Variants in HSPA12A observed in about 807,000 individuals in gnomAD.
HSPA12A encodes the protein heat shock protein family A (Hsp70) member 12A, also known as heat shock 70 kDa protein 12A.
A neutral mutation model predicts 69.2 loss-of-function variants in HSPA12A; 28 were observed. The observed-to-expected ratio is 0.40, with a 90% CI of 0.30 to 0.55. HSPA12A has a LOEUF of 0.55. HSPA12A is among the 20% of genes least tolerant of loss of function. The pLI, the probability that HSPA12A is intolerant of heterozygous loss-of-function variation, is 0.38. For missense variants in HSPA12A, 686 were observed against 900.7 expected, an observed-to-expected ratio of 0.76 and a Z score of 3.05; for synonymous variants, 345 against 370.5, an observed-to-expected ratio of 0.93 and a Z score of 0.79.
chr10:116,773,984 G>A (rs147915972), intron 2 of HSPA12A, among the ~76,000 whole-genome samples: 1 of 152,092 alleles, frequency 6.6e-6, no homozygotes, highest in Non-Finnish European at 1.5e-5. Flanking sequence ...ACTATGACAT[G>A]GGGTGGGGGA....
intron 2 of HSPA12A, among the ~76,000 whole-genome samples, chr10:116,815,563 A>G (rs1455232979): frequency 6.6e-6 from 1 of 152,216 alleles, no homozygotes; most frequent in East Asian, 1.9e-4. Flanking sequence ...CAGAAGAGTG[A>G]GACCCTGTCT....
intron 2 of HSPA12A, among the ~76,000 whole-genome samples, chr10:116,811,256 G>A (rs867013098): frequency 2.6e-5 from 4 of 152,160 alleles, no homozygotes; most frequent in Admixed American, 1.3e-4. Context: ...GCAAGGAGAA[G>A]AGTGGCCAAT....
chr10:116,684,028 T>A, intron 6 of HSPA12A, 66 bp from the exon 7 acceptor site: 1 of 1,376,080 alleles, frequency 7.3e-7, no homozygotes, highest in Non-Finnish European at 9.7e-7. Context: ...AGGACACCCG[T>A]GCCTGGACTG....
At chr10:116,763,377 A>G (rs1554889461) in intron 2 of HSPA12A, among the ~76,000 whole-genome samples, 1 of 152,250 alleles carries the variant, frequency 6.6e-6, no homozygotes, top group African/African-American at 2.4e-5. Context: ...TCAAGCAATA[A>G]TAACTGACAA....
intron 2 of HSPA12A, among the ~76,000 whole-genome samples, chr10:116,770,879 C>T (rs1554890402): frequency 9.5e-6 from 1 of 105,440 alleles, no homozygotes; most frequent in Non-Finnish European, 1.9e-5. Flanking sequence ...CTTCGGGTCA[C>T]TTAACAAGCC....
chr10:116,743,965 T>C (rs1268730642), upstream of HSPA12A, among the ~76,000 whole-genome samples: 1 of 152,216 alleles, frequency 6.6e-6, no homozygotes, highest in Non-Finnish European at 1.5e-5. Flanking sequence ...AGACTATGCA[T>C]GTAACATGCT....
At chr10:116,700,640 A>G (rs1589641365) in intron 4 of HSPA12A, among the ~76,000 whole-genome samples, 1 of 152,202 alleles carries the variant, frequency 6.6e-6, no homozygotes, top group East Asian at 1.9e-4. Context: ...GGAGGGCCCC[A>G]GCACCCCACT....
intron 2 of HSPA12A, among the ~76,000 whole-genome samples, chr10:116,794,388 G>C (rs1220850847): frequency 6.6e-6 from 1 of 152,084 alleles, no homozygotes; most frequent in African/African-American, 2.4e-5. Context: ...TACAAGGCAA[G>C]CAAGCAGAAT....
At position 116,674,864 on chromosome 10, in the gene HSPA12A, C is replaced by T. The variant is rs868970051; in HGVS notation, c.1945G>A (p.Gly649Arg). 3.1e-6 allele frequency: 5 copies of T among 1,613,854 alleles called. No homozygotes were observed. In the South Asian group the frequency reaches 4.4e-5, roughly 14 times the overall value. ...GCTGTGGCTTTGATCTCGGTGTCCC[C>T]GAACTGCATAAGGGTCTGGATCTCC... ...RREIQTLMQF[G>R]DTEIKATAID... Residue 649 changes from glycine to arginine, a missense_variant, in exon 12 of 12, where the codon GGG (glycine) becomes AGG (arginine). Coordinates refer to ENST00000369209, the MANE Select transcript of HSPA12A (RefSeq NM_025015.3).
Position 116,718,584 on chromosome 10 carries a change from A to C in HSPA12A, c.41-11299T>G, listed in dbSNP as rs559671690. 2.0e-5 allele frequency among the ~76,000 whole-genome samples: 3 copies of C among 152,126 alleles called. No individual in the cohort carries two copies. In the South Asian group the frequency reaches 6.2e-4, roughly 32 times the overall value. On this transcript the variant is annotated intron_variant, in intron 1 of 11. Coordinates refer to ENST00000369209, the MANE Select transcript of HSPA12A (RefSeq NM_025015.3). ...AACAGTTGTACGGCTTGTGCACTGC[A>C]CAAAGGCACCAACCTTGAGGGACAC... is the stretch of plus-strand genomic sequence containing the variant.
intron 2 of HSPA12A, among the ~76,000 whole-genome samples, chr10:116,754,010 G>A (rs1281202380): frequency 6.6e-6 from 1 of 152,222 alleles, no homozygotes; most frequent in Non-Finnish European, 1.5e-5. Context: ...CAGGGCAGGA[G>A]CAGCCCTCGT....
chr10:116,760,213 C>T (rs1638412), intron 2 of HSPA12A, among the ~76,000 whole-genome samples: 125,661 of 152,126 alleles, frequency 0.83, 52,014 homozygotes, highest in East Asian at 0.93. Context: ...GGTAATTATA[C>T]GAGCTGCCCC....
At chr10:116,715,051 C>A (rs1157092855) in intron 1 of HSPA12A, among the ~76,000 whole-genome samples, 1 of 152,196 alleles carries the variant, frequency 6.6e-6, no homozygotes, top group African/African-American at 2.4e-5. Flanking sequence ...ACAAGAGAGA[C>A]AGGTTTCTCC....
At chr10:116,775,535 C>T (rs1844315589) in intron 2 of HSPA12A, among the ~76,000 whole-genome samples, 1 of 152,152 alleles carries the variant, frequency 6.6e-6, no homozygotes, top group Non-Finnish European at 1.5e-5. Flanking sequence ...CTGTCTGTTC[C>T]CACTGACAGC....
chr10:116,835,061 C>T (rs1451795738), intron 1 of HSPA12A: 18 of 1,188,620 alleles, frequency 1.5e-5, no homozygotes, highest in Middle Eastern at 6.5e-4. Context: ...GTGAAAATGT[C>T]GATTTGTTTC....
chr10:116,753,043 A>G (rs1416179041), intron 2 of HSPA12A, among the ~76,000 whole-genome samples: 2 of 152,238 alleles, frequency 1.3e-5, no homozygotes, highest in Non-Finnish European at 2.9e-5. Flanking sequence ...ATGACACAAA[A>G]AATAAAAGTC....
At chr10:116,826,251 G>A (rs1422886740) in intron 2 of HSPA12A, among the ~76,000 whole-genome samples, 3 of 152,082 alleles carry the variant, frequency 2.0e-5, no homozygotes, top group Non-Finnish European at 2.9e-5. Context: ...ACTTCCATCT[G>A]TCGTGACATA....
Position 116,740,839 on chromosome 10 carries a change from C to G in HSPA12A, c.40+1591G>C, listed in dbSNP as rs543393925. ...TGCCCAACCTTGTATTTGGTATCATCGCCCACCCTATCCCAGCATGAGAGG... is the reference window on the plus strand; with the variant it reads ...TGCCCAACCTTGTATTTGGTATCATGGCCCACCCTATCCCAGCATGAGAGG... On this transcript the variant is annotated intron_variant, in intron 1 of 11. Transcript: ENST00000369209. 2.6e-5 allele frequency among the ~76,000 whole-genome samples: 4 copies of G among 151,802 alleles called. No homozygotes were observed. The South Asian group carries it at 8.4e-4, about 32-fold the overall frequency.
At chr10:116,684,134 G>GC (rs1353813593) in intron 6 of HSPA12A, among the ~76,000 whole-genome samples, 172 bp from the exon 7 acceptor site, 3 of 152,250 alleles carry the variant, frequency 2.0e-5, no homozygotes, top group Admixed American at 1.3e-4. Flanking sequence ...TCGGTACTGG[G>GC]CCCCAAGCCA....
Sources: allele counts gnomAD v4.1 joint callset (sites outside exome capture counted in the v4.1 genomes callset), GRCh38; gene constraint gnomAD v4.1.1; transcripts MANE v1.5; gene names NCBI Gene and HGNC (gene_info 2026-07-23, HGNC 2026-07-21).